Variants in CBLIF observed in about 807,000 individuals in gnomAD.
CBLIF encodes cobalamin binding intrinsic factor, also known as gastric intrinsic factor (vitamin B synthesis).
A neutral mutation model predicts 44.9 loss-of-function variants in CBLIF; 24 were observed. The ratio of observed to expected loss-of-function variants is 0.53; its 90% CI spans 0.39 to 0.75. CBLIF has a LOEUF of 0.75. CBLIF is among the 30% of genes least tolerant of loss of function. CBLIF has a pLI of 0.00. For synonymous variants in CBLIF, 183 were observed against 190.9 expected (o/e 0.96, Z 0.34); for missense variants, 481 against 513.0 (o/e 0.94, Z 0.60).
Position 59,837,242 on chromosome 11 carries a change from A to G in CBLIF, c.803T>C (p.Ile268Thr). The change falls in exon 6 of 9, where the codon ATT (isoleucine) becomes ACT (threonine). Residue 268 changes from isoleucine (I) to threonine (T), a missense_variant. By Grantham distance (89) the Ile-to-Thr change is moderately conservative. Coordinates refer to ENST00000257248, the MANE Select transcript of CBLIF (RefSeq NM_005142.3). The stretch of plus-strand genomic sequence containing the variant: ...TTTCAGGGAAGGGAGGATTTGAGCA[A>G]TGGACATGGGGTTGTGGAATTTCCC... ...KQGKFHNPMS[I>T]AQILPSLKGK... 6.2e-7 allele frequency: 1 copy of G among 1,613,988 alleles called. No homozygotes were observed. The highest frequency in any genetic ancestry group is 8.5e-7 in the Non-Finnish European group (1 of 1,179,826).
chr11:59,837,586 A>G (rs893378894), intron 5 of CBLIF, among the ~76,000 whole-genome samples: 1 of 152,242 alleles, frequency 6.6e-6, no homozygotes, highest in South Asian at 2.1e-4. Flanking sequence ...GATCAGATCC[A>G]GGGAACACTA....
At chr11:59,833,798 T>C (rs773938919) in intron 7 of CBLIF, among the ~76,000 whole-genome samples, 1 of 152,182 alleles carries the variant, frequency 6.6e-6, no homozygotes, top group Non-Finnish European at 1.5e-5. Context: ...CCTCCTCTCC[T>C]CCTATAGCTT....
In CBLIF at chr11:59,842,525, G is replaced by A. The variant is rs769725298; in HGVS notation, c.429C>T (p.Cys143=). The part of the protein sequence containing the change: ...YGPSLAILAL[C]QKNSEATLPI... ...GCAAGGTCGCCTCAGAGTTCTTCTG[G>A]CACAGTGCCAAGATCGCTAGACTGG... The change falls in exon 4 of 9, where the codon TGC becomes TGT. Residue 143 remains cysteine, a synonymous_variant. Transcript: ENST00000257248. 6.8e-6 allele frequency: 11 copies of A among 1,613,600 alleles called. No homozygotes were observed. In the African/African-American group the frequency reaches 1.3e-4, roughly 20 times the overall value.
At position 59,841,218 on chromosome 11, in the gene CBLIF, A is replaced by C. The variant is rs985121715; in HGVS notation, c.618T>G (p.Ile206Met). 2 of 1,613,290 alleles carry C rather than the reference A, an allele frequency of 1.2e-6. No homozygotes were observed. Among genetic ancestry groups the C allele is most frequent in the Admixed American group, 3.3e-5 (2 of 60,018 alleles). The change falls in exon 5 of 9, where the codon ATT (isoleucine) becomes ATG (methionine). Residue 206 changes from isoleucine (I) to methionine (M), a missense_variant. Physicochemically the swap from Ile to Met is conservative, Grantham distance 10. Coordinates refer to ENST00000257248, the MANE Select transcript of CBLIF (RefSeq NM_005142.3). Reference sequence around the variant, plus strand: ...TGATCTTCATGCTGATTTTCTCCACAATATCCTTTAGTACCTGACCAAACA... The same window carrying C: ...TGATCTTCATGCTGATTTTCTCCACCATATCCTTTAGTACCTGACCAAACA... ...RSLFGQVLKD[I>M]VEKISMKIKD...
intron 7 of CBLIF, among the ~76,000 whole-genome samples, chr11:59,833,035 G>C (rs1160587712): frequency 6.6e-6 from 1 of 152,060 alleles, no homozygotes; most frequent in Non-Finnish European, 1.5e-5. Flanking sequence ...ACCTACAAAA[G>C]TTATAAAAAA....
At chr11:59,839,587 ATAT>A (rs1226552948) in intron 5 of CBLIF, among the ~76,000 whole-genome samples, 2 of 152,204 alleles carry the variant, frequency 1.3e-5, no homozygotes, top group Non-Finnish European at 2.9e-5. Context: ...GATTAGGAAA[ATAT>A]TATATATTAG....
chr11:59,844,013 A>G lies in CBLIF; in HGVS notation c.122T>C (p.Val41Ala), dbSNP rs1590860833. The change falls in exon 2 of 9, where the codon GTA (valine) becomes GCA (alanine). Residue 41 changes from valine to alanine, a missense_variant. Transcript: ENST00000257248. ...TGAAGTCACCGAGTTCTCCATGAGT[A>G]CTTGTATTCCATTGACCAAGGGCTC... ...AQEPLVNGIQ[V>A]LMENSVTSSA... 1.9e-6 allele frequency: 3 copies of G among 1,613,936 alleles called. No individual in the cohort carries two copies. The highest frequency in any genetic ancestry group is 2.5e-6 in the Non-Finnish European group (3 of 1,179,806).
intron 3 of CBLIF, 118 bp from the exon 4 acceptor site, chr11:59,842,701 G>C: frequency 2.0e-6 from 2 of 977,230 alleles, no homozygotes; most frequent in East Asian, 2.5e-5. Flanking sequence ...CCCCCAAAGA[G>C]AGACACAGCA....
intron 5 of CBLIF, among the ~76,000 whole-genome samples, chr11:59,840,510 T>C (rs1315098142): frequency 1.3e-5 from 2 of 152,224 alleles, no homozygotes; most frequent in Non-Finnish European, 2.9e-5. Flanking sequence ...GGTGGGTTGT[T>C]GGATTTGGAA....
At chr11:59,829,640 T>TCTC in intron 8 of CBLIF, 95 bp from the exon 9 acceptor site, 2 of 761,502 alleles carry the variant, frequency 2.6e-6, no homozygotes, top group Non-Finnish European at 4.8e-6. Flanking sequence ...AGTGAACCCA[T>TCTC]TAAATGTTTT....
Position 59,841,280 on chromosome 11 carries a change from T to G in CBLIF, c.556A>C (p.Lys186Gln). The G allele has an allele frequency of 6.2e-7, 1 of 1,613,998 alleles. No individual in the cohort carries two copies. The highest frequency in any genetic ancestry group is 8.5e-7 in the Non-Finnish European group (1 of 1,179,832). ...CCTTCCTCTGAACCTACAGGGATCT[T>G]GTTGTACATACAGGTCAGAGCCAAG... ...ATLALTCMYN[K>Q]IPVGSEEGYR... is the part of the protein sequence containing the mutation. The change falls in exon 5 of 9, where the codon AAG becomes CAG. Residue 186 changes from lysine to glutamine, a missense_variant. By Grantham distance (53) the Lys-to-Gln change is moderately conservative. Transcript: ENST00000257248.
intron 7 of CBLIF, among the ~76,000 whole-genome samples, chr11:59,832,881 A>C (rs1028884723): frequency 6.6e-6 from 1 of 152,222 alleles, no homozygotes; most frequent in African/African-American, 2.4e-5. Flanking sequence ...GGAAGCCATG[A>C]AAATATTTGT....
intron 1 of CBLIF, 184 bp downstream of exon 1, chr11:59,845,191 C>T (rs147695111): frequency 1.1e-4 from 83 of 777,998 alleles, no homozygotes; most frequent in African/African-American, 1.1e-3. Flanking sequence ...AACATATAGA[C>T]TTGTCTCTCA....
chr11:59,844,472 C>T (rs933368918), intron 1 of CBLIF, among the ~76,000 whole-genome samples: 3 of 152,094 alleles, frequency 2.0e-5, no homozygotes, highest in African/African-American at 2.4e-5. Flanking sequence ...ACTTGATTAG[C>T]ATTAGTGTCC....
At chr11:59,843,455 TTATC>T (rs1321443011) in intron 2 of CBLIF, among the ~76,000 whole-genome samples, 1 of 152,194 alleles carries the variant, frequency 6.6e-6, no homozygotes, top group Non-Finnish European at 1.5e-5. Flanking sequence ...AATTTAAACT[TTATC>T]TAACTTGAGC....
At chr11:59,830,289 T>G (rs1866356957) in intron 8 of CBLIF, among the ~76,000 whole-genome samples, 1 of 146,450 alleles carries the variant, frequency 6.8e-6, no homozygotes. Flanking sequence ...CAAGCTGGAG[T>G]GCAGTGGTGC....
At chr11:59,834,307 T>TTCCTTCCTTCCTTCCTTCCTTC (rs1866421735) in intron 7 of CBLIF, among the ~76,000 whole-genome samples, 1 of 47,012 alleles carries the variant, frequency 2.1e-5, no homozygotes, top group African/African-American at 8.1e-5. Context: ...TTTCTTTCTT[T>TTCCTTCCTTCCTTCCTTCCTTC]CTTTCTTCCT....
chr11:59,835,772 C>T (rs1461565709), intron 7 of CBLIF, 36 bp downstream of exon 7: 2 of 1,493,266 alleles, frequency 1.3e-6, no homozygotes, highest in East Asian at 4.5e-5. Flanking sequence ...CAGATCAGGC[C>T]TTGAGAGAAT....
Position 59,829,557 on chromosome 11 carries a change from C to G in CBLIF, c.1193-12G>C. On this transcript the variant is annotated splice_polypyrimidine_tract_variant and intron_variant, in intron 8 of 8. Transcript: ENST00000257248. ...GTAGTCAGCAACCCCTGGAAATAAG[C>G]AGAGAATAACATGAGGTGACTGTGG... The G allele has an allele frequency of 6.3e-7, 1 of 1,578,172 alleles. No homozygotes were observed. The highest frequency in any genetic ancestry group is 1.7e-5 in the Admixed American group (1 of 59,964).
Sources: gnomAD v4.1 joint callset for allele counts (sites outside exome capture counted in the v4.1 genomes callset) on GRCh38, gnomAD v4.1.1 for gene constraint, MANE v1.5 for transcripts, NCBI Gene and HGNC (gene_info 2026-07-23, HGNC 2026-07-21) for gene names.